The following CUX2 variants were observed in gnomAD, a reference collection of about 807,000 sequenced individuals.
CUX2 encodes the protein homeobox protein cut-like 2.
CUX2 carries 40 observed loss-of-function variants against 144.8 expected under a neutral mutation model. The observed-to-expected ratio is 0.28, with a 90% confidence interval of 0.21 to 0.36. The LOEUF (loss-of-function observed/expected upper bound fraction) is 0.36. Ranked by LOEUF, CUX2 falls within the 10% of genes least tolerant of loss-of-function variation. CUX2 has a pLI of 1.00. For missense variants in CUX2, 1,615 were observed against 1,994.0 expected (o/e 0.81, Z 3.62); for synonymous variants, 827 against 875.6 (o/e 0.94, Z 0.98).
Position 111,153,699 on chromosome 12 carries a change from G to A in CUX2, c.64-60501G>A, listed in dbSNP as rs575518380. On this transcript the variant is annotated intron_variant, in intron 1 of 21. Coordinates refer to ENST00000261726, the MANE Select transcript of CUX2 (RefSeq NM_015267.4). ...TGGAGCCTCTATTCTACTGGAGACAGACCATAAGCAAACATATAGTTAAGA... is the reference window on the plus strand; with the variant it reads ...TGGAGCCTCTATTCTACTGGAGACAAACCATAAGCAAACATATAGTTAAGA... Among the ~76,000 whole-genome samples the A allele has an allele frequency of 2.3e-4, 35 of 152,246 alleles. No homozygotes were observed. In the East Asian group the frequency reaches 3.3e-3, roughly 14 times the overall value.
chr12:111,299,798 C>A (rs1356554080), intron 9 of CUX2, among the ~76,000 whole-genome samples: 1 of 152,212 alleles, frequency 6.6e-6, no homozygotes, highest in Non-Finnish European at 1.5e-5. Context: ...GAGTTCTCCT[C>A]CCCTGCAGCA....
At chr12:111,226,224 G>A (rs923878420) in intron 3 of CUX2, among the ~76,000 whole-genome samples, 6 of 152,298 alleles carry the variant, frequency 3.9e-5, no homozygotes, top group Middle Eastern at 3.4e-3. Context: ...GATTACAGGC[G>A]TGAGCCATCA....
intron 4 of CUX2, among the ~76,000 whole-genome samples, chr12:111,282,764 G>A (rs1428120975): frequency 6.6e-6 from 1 of 152,060 alleles, no homozygotes; most frequent in African/African-American, 2.4e-5. Flanking sequence ...CTCCCTTCCT[G>A]GCTTGCAGAC....
At chr12:111,163,644 C>T (rs1025402628) in intron 1 of CUX2, among the ~76,000 whole-genome samples, 8 of 152,224 alleles carry the variant, frequency 5.3e-5, no homozygotes, top group African/African-American at 1.9e-4. Flanking sequence ...CCTGAAACTA[C>T]CTTGGCACCG....
At chr12:111,103,662 C>T (rs536438671) in intron 1 of CUX2, among the ~76,000 whole-genome samples, 1 of 152,316 alleles carries the variant, frequency 6.6e-6, no homozygotes, top group East Asian at 1.9e-4. Flanking sequence ...CCACTGTCTA[C>T]TATAACAGGC....
At chr12:111,211,155 G>A (rs941256866) in intron 1 of CUX2, among the ~76,000 whole-genome samples, 6 of 152,200 alleles carry the variant, frequency 3.9e-5, no homozygotes, top group Admixed American at 3.3e-4. Context: ...ATTGGTGTTA[G>A]TGTGTTTACC....
At chr12:111,109,551 CA>C (rs1267607195) in intron 1 of CUX2, among the ~76,000 whole-genome samples, 2 of 152,160 alleles carry the variant, frequency 1.3e-5, no homozygotes, top group African/African-American at 4.8e-5. Context: ...CAAGTTGATC[CA>C]AGCTCATTCC....
At chr12:111,340,710 G>T (rs1351134014) in intron 20 of CUX2, among the ~76,000 whole-genome samples, 1 of 152,212 alleles carries the variant, frequency 6.6e-6, no homozygotes, top group Non-Finnish European at 1.5e-5. Context: ...TAGCTCCCAC[G>T]ATTTAGCCTA....
chr12:111,307,428 C>T lies in CUX2; in HGVS notation c.1109+171C>T, dbSNP rs1380311514. The stretch of plus-strand genomic sequence containing the variant: ...CTCAGGCCAGGTGCAGTGGCTCATC[C>T]CTGTAATCCCAACACTTTGGGAGGC... On this transcript the variant is annotated intron_variant, in intron 12 of 21. Coordinates refer to ENST00000261726, the MANE Select transcript of CUX2 (RefSeq NM_015267.4). The surrounding 1 kb of genome is among the most constrained non-coding windows in gnomAD (Gnocchi z 4.1). Among the ~76,000 whole-genome samples, 1 of 152,196 alleles carries T rather than the reference C, an allele frequency of 6.6e-6. No individual in the cohort carries two copies. Among genetic ancestry groups the T allele is most frequent in the African/African-American group, 2.4e-5 (1 of 41,444 alleles).
chr12:111,103,290 C>A (rs1873381476), intron 1 of CUX2, among the ~76,000 whole-genome samples: 1 of 152,154 alleles, frequency 6.6e-6, no homozygotes, highest in African/African-American at 2.4e-5. Flanking sequence ...AAACAGGGCG[C>A]CTGATGGAAG....
intron 1 of CUX2, among the ~76,000 whole-genome samples, chr12:111,091,361 G>A (rs777960500): frequency 1.0e-3 from 156 of 152,288 alleles, no homozygotes; most frequent in Non-Finnish European, 2.0e-3. Flanking sequence ...ACAAAGGCCC[G>A]GAGGAGACAC....
At chr12:111,167,808 C>A (rs542153399) in intron 1 of CUX2, among the ~76,000 whole-genome samples, 2 of 152,132 alleles carry the variant, frequency 1.3e-5, no homozygotes. Flanking sequence ...GATTCTCATG[C>A]CTCAGCCTTC....
At chr12:111,129,956 C>G (rs1875358951) in intron 1 of CUX2, among the ~76,000 whole-genome samples, 1 of 152,188 alleles carries the variant, frequency 6.6e-6, no homozygotes, top group South Asian at 2.1e-4. Context: ...CACCTGACCT[C>G]TATAAGCCCC....
At position 111,348,039 on chromosome 12, in the gene CUX2, A is replaced by G; in HGVS notation, c.4175A>G (p.Glu1392Gly). Residue 1392 changes from glutamate (E) to glycine (G), a missense_variant, in exon 22 of 22, where the codon GAG becomes GGG. Glu to Gly is a moderately conservative substitution (Grantham distance 98, BLOSUM62 -2). This residue lies in a region of CUX2 where 298 missense variants were observed against 330.4 expected (regional missense o/e 0.90). Coordinates refer to ENST00000261726, the MANE Select transcript of CUX2 (RefSeq NM_015267.4). The stretch of plus-strand genomic sequence containing the variant: ...TCAGAGTCCTCACGCTGCAGCCTGG[A>G]GGTGTCACTGAACTCGCCCTCGGCC... ...SASESSRCSL[E>G]VSLNSPSAAS... The G allele has an allele frequency of 6.2e-7, 1 of 1,614,024 alleles. No homozygotes were observed. Among genetic ancestry groups the G allele is most frequent in the Non-Finnish European group, 8.5e-7 (1 of 1,180,004 alleles).
intron 1 of CUX2, among the ~76,000 whole-genome samples, chr12:111,200,692 C>T (rs572938144): frequency 1.3e-5 from 2 of 152,226 alleles, no homozygotes; most frequent in South Asian, 2.1e-4. Flanking sequence ...CCATGATGTA[C>T]GTATAGGATG....
rs1192272984 is a variant in CUX2, at chr12:111,277,098, A to G, written c.301+13259A>G. Reference sequence around the variant, plus strand: ...CCCCCTGCCCTACCCAACCTTGTGGATGTGGGGGCCCCATCTGCCCCAGGA... The same window carrying G: ...CCCCCTGCCCTACCCAACCTTGTGGGTGTGGGGGCCCCATCTGCCCCAGGA... On this transcript the variant is annotated intron_variant, in intron 4 of 21. Transcript: ENST00000261726. The surrounding 1 kb of genome is among the most constrained non-coding windows in gnomAD (Gnocchi z 5.0). Among the ~76,000 whole-genome samples, 3 of 152,072 alleles carry G rather than the reference A, an allele frequency of 2.0e-5. No homozygotes were observed. The highest frequency in any genetic ancestry group is 7.2e-5 in the African/African-American group (3 of 41,390).
In CUX2 at chr12:111,059,468, TC is replaced by T. The variant is rs1443511467; in HGVS notation, c.63+25230del. Among the ~76,000 whole-genome samples the T allele has an allele frequency of 1.3e-5, 2 of 152,236 alleles. No homozygotes were observed. The highest frequency in any genetic ancestry group is 2.4e-5 in the African/African-American group (1 of 41,452). ...GAGGGGAGCAGGACTACTGCCTGAT[TC>T]CTGGACCATTTTGTTTTCTATGAGG... On this transcript the variant is annotated intron_variant, in intron 1 of 21. Coordinates refer to ENST00000261726, the MANE Select transcript of CUX2 (RefSeq NM_015267.4). The surrounding 1 kb of genome is among the most constrained non-coding windows in gnomAD (Gnocchi z 5.3).
intron 4 of CUX2, among the ~76,000 whole-genome samples, chr12:111,278,409 A>G (rs1884978531): frequency 6.6e-6 from 1 of 152,212 alleles, no homozygotes; most frequent in African/African-American, 2.4e-5. Flanking sequence ...CGACAGAGCA[A>G]GACCCTGTCT....
intron 16 of CUX2, among the ~76,000 whole-genome samples, chr12:111,313,556 CT>C (rs1287425718): frequency 2.6e-5 from 4 of 151,756 alleles, no homozygotes; most frequent in African/African-American, 9.7e-5. Flanking sequence ...GCAGGAGAAT[CT>C]CTTGACCACA....
Sources: allele counts gnomAD v4.1 joint callset (sites outside exome capture counted in the v4.1 genomes callset), GRCh38; gene constraint gnomAD v4.1.1; regional missense constraint gnomAD v4.1.1; non-coding constraint Gnocchi (gnomAD v3.1); transcripts MANE v1.5; gene names NCBI Gene and HGNC (gene_info 2026-07-23, HGNC 2026-07-21).